Variants in TUT7 observed in about 807,000 individuals in gnomAD.
The protein encoded by TUT7 is terminal uridylyl transferase 7, also known as terminal uridylyltransferase 7.
A neutral mutation model predicts 165.9 loss-of-function variants in TUT7; 33 were observed. That is an observed-to-expected ratio of 0.20 (90% CI 0.15 to 0.27). The LOEUF is 0.27. TUT7 is among the 10% of genes least tolerant of loss of function. TUT7 has a pLI of 1.00. For synonymous variants in TUT7, 552 were observed against 608.1 expected (o/e 0.91, Z 1.36); for missense variants, 1,338 against 1,762.3 (o/e 0.76, Z 4.31).
chr9:86,322,195 A>G lies in TUT7; in HGVS notation c.3028+130T>C. ...CAGACATGACATGGAACGCTTGAGGATACAATGGAGAATGGAATAGACTTG... is the reference window on the plus strand; with the variant it reads ...CAGACATGACATGGAACGCTTGAGGGTACAATGGAGAATGGAATAGACTTG... On this transcript the variant is annotated intron_variant, in intron 14 of 26. Transcript: ENST00000375963. 3 of 772,040 alleles carry G rather than the reference A, an allele frequency of 3.9e-6. No homozygotes were observed. In the South Asian group the frequency reaches 5.8e-5, roughly 15 times the overall value. 47.8% of individuals were successfully genotyped at this position (772,040 alleles called of 1,614,324 possible). A position where few individuals can be genotyped will look rare whatever the true frequency, so the allele number is the denominator to read the frequency against.
intron 4 of TUT7, 79 bp downstream of exon 4, chr9:86,345,590 A>T: frequency 9.8e-7 from 1 of 1,022,112 alleles, no homozygotes; most frequent in Non-Finnish European, 1.5e-6. Flanking sequence ...TCATAGCCTT[A>T]AGGAGAAGAA....
rs1328581115 is a variant in TUT7 at position 86,325,396 on chromosome 9, C to T, written c.1727G>A (p.Arg576His). 2 of 1,614,074 alleles carry T rather than the reference C, an allele frequency of 1.2e-6. No individual in the cohort carries two copies. Among genetic ancestry groups the T allele is most frequent in the Non-Finnish European group, 8.5e-7 (1 of 1,180,000 alleles). ...FNLADLVISI[R>H]VKELVSRELK... ...TTCCCGAGATACCAATTCTTTGACA[C>T]GAATACTTATCACTAAATCAGCCAA... Residue 576 changes from arginine (R) to histidine (H), a missense_variant, in exon 12 of 27, where the codon CGT becomes CAT. Physicochemically the swap from Arg to His is conservative, Grantham distance 29. Transcript: ENST00000375963.
chr9:86,323,807 G>A lies in TUT7; in HGVS notation c.1943C>T (p.Thr648Ile), dbSNP rs1023132869. The A allele has an allele frequency of 6.2e-7, 1 of 1,613,966 alleles. No homozygotes were observed. Among genetic ancestry groups the A allele is most frequent in the Non-Finnish European group, 8.5e-7 (1 of 1,179,872 alleles). The change falls in exon 13 of 27, where the codon ACA becomes ATA. Residue 648 changes from threonine (T) to isoleucine (I), a missense_variant. Transcript: ENST00000375963. ...TTCTTTAGAATGTTCTGAAATACAT[G>A]TAATTGCATTCAGAGGCTTTAGAAG... ...SSLLKPLNAI[T>I]CISEHSKEVI...
intron 17 of TUT7, among the ~76,000 whole-genome samples, chr9:86,313,133 T>TAAATA (rs1222732804): frequency 4.1e-5 from 6 of 146,156 alleles, no homozygotes; most frequent in Middle Eastern, 3.5e-3. Context: ...CAATAATAAA[T>TAAATA]AAATAAATAA....
chr9:86,306,313 T>C (rs7022521), intron 22 of TUT7, among the ~76,000 whole-genome samples: 67,467 of 152,030 alleles, frequency 0.44, 15,189 homozygotes, highest in Middle Eastern at 0.6. Flanking sequence ...AGGTGTACCA[T>C]ATTGAGATTG....
At position 86,322,180 on chromosome 9, in the gene TUT7, A is replaced by C. The variant is rs560644813; in HGVS notation, c.3028+145T>G. ...ATGTCCCAAACAGAACAGACATGAC[A>C]TGGAACGCTTGAGGATACAATGGAG... On this transcript the variant is annotated intron_variant, in intron 14 of 26. Coordinates refer to ENST00000375963, the MANE Select transcript of TUT7 (RefSeq NM_024617.4). 17 of 665,414 alleles carry C rather than the reference A, an allele frequency of 2.6e-5. No individual in the cohort carries two copies. The African/African-American group carries it at 3.1e-4, about 12-fold the overall frequency. The allele number at this position is 665,414 out of a possible 1,614,324, so 41.2% of individuals were successfully genotyped here.
chr9:86,348,175 G>A (rs1375193058), intron 2 of TUT7, among the ~76,000 whole-genome samples: 1 of 152,130 alleles, frequency 6.6e-6, no homozygotes, highest in Non-Finnish European at 1.5e-5. Flanking sequence ...TTTCTAGAAA[G>A]AGTAACTTCT....
intron 5 of TUT7, among the ~76,000 whole-genome samples, chr9:86,344,588 CTTTTTT>C (rs11390352): frequency 2.1e-5 from 3 of 141,746 alleles, no homozygotes; most frequent in African/African-American, 7.7e-5. Flanking sequence ...TAAATAAAAT[CTTTTTT>C]TTTTTTTTTG....
intron 25 of TUT7, among the ~76,000 whole-genome samples, chr9:86,302,631 T>C (rs1157015106): frequency 1.3e-5 from 2 of 151,154 alleles, no homozygotes; most frequent in Non-Finnish European, 2.9e-5. Flanking sequence ...TTTTTTTTTT[T>C]TCTGAGACAG....
intron 18 of TUT7, 24 bp downstream of exon 18, chr9:86,310,682 C>T (rs1827971338): frequency 2.1e-6 from 3 of 1,400,968 alleles, no homozygotes; most frequent in Non-Finnish European, 3.0e-6. Context: ...CCTCTCTAAA[C>T]AAAAAGCCTG....
At chr9:86,332,887 A>C (rs987797422) in intron 10 of TUT7, among the ~76,000 whole-genome samples, 14 of 152,038 alleles carry the variant, frequency 9.2e-5, no homozygotes, top group Admixed American at 3.3e-4. Flanking sequence ...GACATTTCCT[A>C]TCTCTTCATT....
At chr9:86,339,450 G>A (rs953158299) in intron 8 of TUT7, among the ~76,000 whole-genome samples, 14 of 152,140 alleles carry the variant, frequency 9.2e-5, no homozygotes, top group Non-Finnish European at 1.8e-4. Flanking sequence ...CCCAGGAGGC[G>A]GAGGTTGCAA....
Position 86,308,520 on chromosome 9 carries a change from A to G in TUT7, c.3747T>C (p.Phe1249=), listed in dbSNP as rs947720206. 2 of 1,614,166 alleles carry G rather than the reference A, an allele frequency of 1.2e-6. No individual in the cohort carries two copies. The highest frequency in any genetic ancestry group is 1.7e-5 in the Admixed American group (1 of 60,026). Residue 1249 remains phenylalanine, a synonymous_variant, in exon 22 of 27, where the codon TTT becomes TTC. Coordinates refer to ENST00000375963, the MANE Select transcript of TUT7 (RefSeq NM_024617.4). ...LGLLRFYTEE[F]DFKEHVISIR... ...TGCTAATAACATGTTCTTTAAAATC[A>G]AATTCCTCTGTGTAGAAACGAAGAA...
chr9:86,302,593 C>T (rs1315808066), intron 25 of TUT7, among the ~76,000 whole-genome samples: 3 of 150,912 alleles, frequency 2.0e-5, no homozygotes, highest in African/African-American at 7.3e-5. Context: ...GCTGGGATTA[C>T]AGGCATGAGC....
intron 26 of TUT7, among the ~76,000 whole-genome samples, chr9:86,291,678 A>G (rs1427660683): frequency 6.6e-6 from 1 of 152,192 alleles, no homozygotes; most frequent in Non-Finnish European, 1.5e-5. Flanking sequence ...GACTTGCAAA[A>G]ATGAAAATTC....
chr9:86,302,947 TA>T, intron 25 of TUT7, 138 bp downstream of exon 25: 1 of 511,252 alleles, frequency 2.0e-6, no homozygotes, highest in Non-Finnish European at 3.5e-6. Context: ...CATTAAAAAA[TA>T]AAATAAAAAA....
intron 26 of TUT7, among the ~76,000 whole-genome samples, chr9:86,296,409 CT>C (rs1351800113): frequency 6.6e-6 from 1 of 152,152 alleles, no homozygotes; most frequent in Non-Finnish European, 1.5e-5. Flanking sequence ...ATAAAACCTA[CT>C]GAATATCTAA....
chr9:86,317,099 G>T, intron 17 of TUT7, 120 bp downstream of exon 17: 1 of 760,604 alleles, frequency 1.3e-6, no homozygotes. Context: ...TGCTGGGGAA[G>T]GGAGGGTTGA....
intron 2 of TUT7, 50 bp downstream of exon 2, chr9:86,352,630 A>G: frequency 6.2e-7 from 1 of 1,601,630 alleles, no homozygotes; most frequent in Non-Finnish European, 8.6e-7. Flanking sequence ...GAAAAAGAAT[A>G]AAACATTGCT....
Sources: gnomAD v4.1 joint callset for allele counts (sites outside exome capture counted in the v4.1 genomes callset) on GRCh38, gnomAD v4.1.1 for gene constraint, MANE v1.5 for transcripts, NCBI Gene and HGNC (gene_info 2026-07-23, HGNC 2026-07-21) for gene names.